Variants in CENPN observed in about 807,000 individuals in gnomAD.
The protein encoded by CENPN is interphase centromere complex protein 32.
CENPN carries 36 observed loss-of-function variants against 48.6 expected under a neutral mutation model. The ratio of observed to expected loss-of-function variants is 0.74; its 90% CI spans 0.57 to 0.98. CENPN has a LOEUF of 0.98. Among genes scored for constraint, CENPN ranks in the 50% least tolerant of loss-of-function variants. The pLI is 0.00. For missense variants in CENPN, 439 were observed against 399.2 expected, an observed-to-expected ratio of 1.10 and a Z score of -0.85; for synonymous variants, 166 against 135.2, an observed-to-expected ratio of 1.23 and a Z score of -1.58.
intron 1 of CENPN, among the ~76,000 whole-genome samples, chr16:81,008,523 C>T (rs1969584917): frequency 6.6e-6 from 1 of 152,120 alleles, no homozygotes; most frequent in Non-Finnish European, 1.5e-5. Context: ...AGGTGTGCGT[C>T]ACGACACCCG....
chr16:81,010,106 G>A (rs141066944), intron 1 of CENPN, among the ~76,000 whole-genome samples: 91 of 152,322 alleles, frequency 6.0e-4, no homozygotes, highest in African/African-American at 2.1e-3. Flanking sequence ...GGCTGAGGCA[G>A]GAGAATCACT....
chr16:81,010,468 T>C (rs1460463073), intron 1 of CENPN, among the ~76,000 whole-genome samples: 2 of 152,132 alleles, frequency 1.3e-5, no homozygotes, highest in South Asian at 2.1e-4. Flanking sequence ...CAGGACCTTA[T>C]AGACAATTAA....
intron 7 of CENPN, 77 bp downstream of exon 7, chr16:81,022,775 A>C: frequency 6.2e-7 from 1 of 1,614,118 alleles, no homozygotes; most frequent in Non-Finnish European, 8.5e-7. Flanking sequence ...CTACTGGGAA[A>C]ATCTACCTCC....
At chr16:81,032,539 C>T (rs181881876), downstream of CENPN, 341 of 1,553,214 alleles carry the variant, frequency 2.2e-4, 5 homozygotes, top group Admixed American at 6.8e-3. Context: ...CGTCTTTTAT[C>T]AGTTGATTTT....
chr16:81,030,142 C>A lies in CENPN; in HGVS notation c.*1491C>A. Reference sequence around the variant, plus strand: ...ACTCAAGTATCTCCACCTGGCCCTGCCCTTGTCACATGGGGGTTATTACAA... The same window carrying A: ...ACTCAAGTATCTCCACCTGGCCCTGACCTTGTCACATGGGGGTTATTACAA... On this transcript the variant is annotated 3_prime_UTR_variant, in exon 11 of 11. Coordinates refer to ENST00000305850, the MANE Select transcript of CENPN (RefSeq NM_001100624.3). The A allele has an allele frequency of 1.1e-6, 1 of 944,904 alleles. No individual in the cohort carries two copies. Among genetic ancestry groups the A allele is most frequent in the Non-Finnish European group, 1.3e-6 (1 of 793,150 alleles). The allele number at this position is 944,904 out of a possible 1,614,324, so 58.5% of individuals were successfully genotyped here.
Position 81,029,069 on chromosome 16 carries a change from G to C in CENPN, c.*418G>C, listed in dbSNP as rs1970650041. On this transcript the variant is annotated 3_prime_UTR_variant, in exon 11 of 11. Coordinates refer to ENST00000305850, the MANE Select transcript of CENPN (RefSeq NM_001100624.3). ...TGATTCTTAAGCTCTGGATCACAGA[G>C]AGAAGCAACAAGGAACTATACTCAA... 4 of 987,382 alleles carry C rather than the reference G, an allele frequency of 4.1e-6. No individual in the cohort carries two copies. The highest frequency in any genetic ancestry group is 4.7e-5 in the South Asian group (1 of 21,376). The allele number at this position is 987,382 out of a possible 1,614,324, so 61.2% of individuals were successfully genotyped here.
At chr16:81,007,750 G>C (rs1160339833) in intron 1 of CENPN, among the ~76,000 whole-genome samples, 1 of 152,152 alleles carries the variant, frequency 6.6e-6, no homozygotes, top group African/African-American at 2.4e-5. Flanking sequence ...TTGATCATGC[G>C]TTCCACAGAT....
At chr16:81,019,032 A>C (rs1408134654) in intron 5 of CENPN, among the ~76,000 whole-genome samples, 3 of 152,218 alleles carry the variant, frequency 2.0e-5, no homozygotes, top group African/African-American at 7.2e-5. Flanking sequence ...TATTTTATCC[A>C]TGAAGTGGAT....
intron 6 of CENPN, among the ~76,000 whole-genome samples, chr16:81,021,946 G>T (rs1012793620): frequency 2.6e-5 from 4 of 152,002 alleles, no homozygotes; most frequent in African/African-American, 7.2e-5. Flanking sequence ...TTTAGTGGAG[G>T]TGGGGTTTCA....
At chr16:81,017,630 T>G (rs1210682892) in intron 4 of CENPN, 128 bp from the exon 5 acceptor site, 2 of 744,916 alleles carry the variant, frequency 2.7e-6, no homozygotes, top group African/African-American at 3.6e-5. Context: ...CTAGCACCAT[T>G]TGTGTGATTT....
At chr16:81,019,990 C>T (rs1046504657) in intron 5 of CENPN, 110 bp from the exon 6 acceptor site, 5 of 756,154 alleles carry the variant, frequency 6.6e-6, no homozygotes, top group Middle Eastern at 4.1e-4. Flanking sequence ...TCTCAACCTG[C>T]ATACAAGAGT....
intron 5 of CENPN, among the ~76,000 whole-genome samples, chr16:81,019,217 T>C (rs1597095186): frequency 6.6e-6 from 1 of 152,148 alleles, no homozygotes; most frequent in East Asian, 1.9e-4. Flanking sequence ...CTTTTTGTTT[T>C]GTTTTTGTTT....
chr16:81,025,122 A>C (rs753461486), intron 8 of CENPN, among the ~76,000 whole-genome samples: 2 of 140,772 alleles, frequency 1.4e-5, no homozygotes, highest in African/African-American at 2.6e-5. Context: ...ATTCATCAGG[A>C]AACTGGGTTT....
downstream of CENPN, chr16:81,032,734 T>G (rs77874075): frequency 0.09 from 140,962 of 1,574,078 alleles, 7,208 homozygotes; most frequent in East Asian, 0.21. Flanking sequence ...AAATGGTTAA[T>G]CAAATGTATG....
At chr16:81,032,084 A>G (rs554467890), downstream of CENPN, among the ~76,000 whole-genome samples, 4 of 152,144 alleles carry the variant, frequency 2.6e-5, no homozygotes, top group Non-Finnish European at 5.9e-5. Flanking sequence ...GGTCCCTCCA[A>G]CCTTGTCTTA....
Position 81,012,081 on chromosome 16 carries a change from G to T in CENPN, c.142G>T (p.Val48Leu), listed in dbSNP as rs1969766166. ...TVNFRQRKESVVQHLIHLCEE... is the reference protein window; with the variant it reads ...TVNFRQRKESLVQHLIHLCEE... ...AAATTTCCGACAGAGAAAGGAATCT[G>T]TAGTTCAGCACTTGATCCATCTGTG... The change falls in exon 2 of 11, where the codon GTA becomes TTA. Residue 48 changes from valine (V) to leucine (L), a missense_variant. Transcript: ENST00000305850. The T allele has an allele frequency of 6.2e-7, 1 of 1,614,028 alleles. No individual in the cohort carries two copies. Among genetic ancestry groups the T allele is most frequent in the East Asian group, 2.2e-5 (1 of 44,886 alleles).
intron 1 of CENPN, among the ~76,000 whole-genome samples, chr16:81,009,141 A>C (rs1257444411): frequency 6.6e-6 from 1 of 152,206 alleles, no homozygotes; most frequent in East Asian, 1.9e-4. Context: ...TGGGAGGCAG[A>C]GGCTGCAGGA....
At chr16:81,008,259 A>G (rs1363102030) in intron 1 of CENPN, among the ~76,000 whole-genome samples, 1 of 152,204 alleles carries the variant, frequency 6.6e-6, no homozygotes, top group East Asian at 1.9e-4. Context: ...CATCTGACGT[A>G]CTTTTTAAAA....
At chr16:81,014,411 T>C (rs1302411954) in intron 3 of CENPN, 2 of 481,044 alleles carry the variant, frequency 4.2e-6, no homozygotes, top group Non-Finnish European at 3.8e-6. Context: ...ATTTTTTGTA[T>C]TTTTTGCCAC....
Sources: gnomAD v4.1 joint callset for allele counts (sites outside exome capture counted in the v4.1 genomes callset) on GRCh38, gnomAD v4.1.1 for gene constraint, MANE v1.5 for transcripts, NCBI Gene and HGNC (gene_info 2026-07-23, HGNC 2026-07-21) for gene names.